Variants in SF3B3 observed in about 807,000 individuals in gnomAD.
The protein encoded by SF3B3 is SAP 130.
Under a neutral mutation model 139.2 loss-of-function variants are expected in SF3B3, and 33 were observed. The observed-to-expected ratio is 0.24, with a 90% CI of 0.18 to 0.32. The LOEUF (loss-of-function observed/expected upper bound fraction) is 0.32. SF3B3 is among the 10% of genes least tolerant of loss of function. SF3B3 has a pLI of 1.00. For synonymous variants in SF3B3, 596 were observed against 563.6 expected (o/e 1.06, Z -0.81); for missense variants, 818 against 1,509.4 (o/e 0.54, Z 7.59).
chr16:70,553,509 T>A (rs999844135), intron 11 of SF3B3, among the ~76,000 whole-genome samples: 1 of 151,938 alleles, frequency 6.6e-6, no homozygotes, highest in Non-Finnish European at 1.5e-5. Context: ...GTTAAGGGGG[T>A]GTTAAAACAA....
chr16:70,532,158 GGCACAT>G (rs1381357986), intron 4 of SF3B3, among the ~76,000 whole-genome samples: 2 of 152,096 alleles, frequency 1.3e-5, no homozygotes, highest in African/African-American at 4.8e-5. Context: ...CAGGCGTGGT[GGCACAT>G]GCTTGTAATC....
intron 5 of SF3B3, among the ~76,000 whole-genome samples, chr16:70,535,106 C>G (rs1368151165): frequency 6.6e-6 from 1 of 152,198 alleles, no homozygotes; most frequent in Non-Finnish European, 1.5e-5. Flanking sequence ...GTTATCCAGG[C>G]TGAGACCAAA....
rs1224136182 is a variant in SF3B3, at chr16:70,523,855, G to C, written c.-144G>C. The C allele has an allele frequency of 3.9e-6, 2 of 511,566 alleles. No homozygotes were observed. The highest frequency in any genetic ancestry group is 6.9e-6 in the Non-Finnish European group (2 of 291,698). The allele number at this position is 511,566 out of a possible 1,614,324, so 31.7% of individuals were successfully genotyped here. On this transcript the variant is annotated 5_prime_UTR_variant, in exon 1 of 26. Coordinates refer to ENST00000302516, the MANE Select transcript of SF3B3 (RefSeq NM_012426.5). ...GTCTAATGGCGGACGCCAGTATGTTGGAGTTGGTGGTGGCTTAAGTTTTGA... is the reference window on the plus strand; with the variant it reads ...GTCTAATGGCGGACGCCAGTATGTTCGAGTTGGTGGTGGCTTAAGTTTTGA...
At chr16:70,554,734 C>A in intron 12 of SF3B3, 137 bp downstream of exon 12, 1 of 836,318 alleles carries the variant, frequency 1.2e-6, no homozygotes, top group Non-Finnish European at 1.8e-6. Context: ...ATGATTTGGG[C>A]ACATAATATC....
At position 70,565,050 on chromosome 16, in the gene SF3B3, T is replaced by C. The variant is rs754081705; in HGVS notation, c.2464-15T>C. On this transcript the variant is annotated splice_polypyrimidine_tract_variant and intron_variant, in intron 18 of 25. Coordinates refer to ENST00000302516, the MANE Select transcript of SF3B3 (RefSeq NM_012426.5). Reference sequence around the variant, plus strand: ...CTGAGCACGCCAACTCAGTTACTCGTTTTTTTGGGTTTAGGAAATGGTGGA... The same window carrying C: ...CTGAGCACGCCAACTCAGTTACTCGCTTTTTTGGGTTTAGGAAATGGTGGA... 4.3e-6 allele frequency: 7 copies of C among 1,611,656 alleles called. No homozygotes were observed. The East Asian group carries it at 6.7e-5, about 15-fold the overall frequency.
intron 6 of SF3B3, among the ~76,000 whole-genome samples, chr16:70,536,353 T>G (rs1426140187): frequency 6.6e-6 from 1 of 151,794 alleles, no homozygotes; most frequent in East Asian, 1.9e-4. Context: ...TGTATTTTTA[T>G]TTTTTGTATT....
At chr16:70,563,250 G>A (rs1002790548) in intron 17 of SF3B3, among the ~76,000 whole-genome samples, 4 of 152,186 alleles carry the variant, frequency 2.6e-5, no homozygotes, top group South Asian at 2.1e-4. Flanking sequence ...GATTACAGGC[G>A]TGAGCCACCA....
At chr16:70,570,475 C>T (rs1485890607) in intron 24 of SF3B3, among the ~76,000 whole-genome samples, 1 of 151,754 alleles carries the variant, frequency 6.6e-6, no homozygotes, top group Non-Finnish European at 1.5e-5. Context: ...GGAATACAGG[C>T]GCCCGCCACC....
chr16:70,569,144 A>G lies in SF3B3; in HGVS notation c.3264+3A>G, dbSNP rs2050504910. 5 of 1,600,396 alleles carry G rather than the reference A, an allele frequency of 3.1e-6. No homozygotes were observed. Among genetic ancestry groups the G allele is most frequent in the Non-Finnish European group, 4.3e-6 (5 of 1,170,702 alleles). ...TGCTCAATGGGGCCTCCCAGAAGGT[A>G]AGATTGCAGAATGGGCCCCAGGGAG... On this transcript the variant is annotated splice_donor_region_variant and intron_variant, in intron 23 of 25. Transcript: ENST00000302516.
chr16:70,536,434 G>T (rs542760746), intron 6 of SF3B3, among the ~76,000 whole-genome samples: 98 of 152,100 alleles, frequency 6.4e-4, no homozygotes, highest in African/African-American at 2.2e-3. Flanking sequence ...TGCGATCTGG[G>T]CTCACTGCAA....
intron 2 of SF3B3, chr16:70,526,994 C>T (rs1045348849): frequency 1.1e-5 from 6 of 527,434 alleles, no homozygotes; most frequent in Admixed American, 3.6e-5. Flanking sequence ...GTGCCTATTG[C>T]TGTAAGACAT....
intron 5 of SF3B3, among the ~76,000 whole-genome samples, 160 bp from the exon 6 acceptor site, chr16:70,535,148 C>G (rs2050154567): frequency 6.6e-6 from 1 of 152,180 alleles, no homozygotes; most frequent in South Asian, 2.1e-4. Flanking sequence ...GTGCTTCATC[C>G]TTATCTACCA....
Position 70,565,290 on chromosome 16 carries a change from C to T in SF3B3, c.2669+20C>T, listed in dbSNP as rs774111902. 6.2e-7 allele frequency: 1 copy of T among 1,613,720 alleles called. No homozygotes were observed. Among genetic ancestry groups the T allele is most frequent in the Non-Finnish European group, 8.5e-7 (1 of 1,179,670 alleles). On this transcript the variant is annotated intron_variant, in intron 19 of 25. Transcript: ENST00000302516. Reference sequence around the variant, plus strand: ...TTTTAGGTAAGCAGCCCAGGACAGTCCAGGGTTTGGCAGGCTGGAACAGGA... The same window carrying T: ...TTTTAGGTAAGCAGCCCAGGACAGTTCAGGGTTTGGCAGGCTGGAACAGGA...
At chr16:70,555,500 A>AAAAAAAAAG (rs1555500454) in intron 13 of SF3B3, among the ~76,000 whole-genome samples, 3 of 141,466 alleles carry the variant, frequency 2.1e-5, no homozygotes, top group African/African-American at 2.6e-5. Flanking sequence ...AAAAAAAAAA[A>AAAAAAAAAG]GCGAGCTGGA....
chr16:70,561,362 C>T, intron 16 of SF3B3: 1 of 317,914 alleles, frequency 3.1e-6, no homozygotes, highest in Non-Finnish European at 5.7e-6. Context: ...CCTTGTGGTA[C>T]TGTTTTCATT....
chr16:70,539,175 G>C lies in SF3B3; in HGVS notation c.1035G>C (p.Gly345=), dbSNP rs2050195736. Residue 345 remains glycine, a synonymous_variant, in exon 8 of 26, where the codon GGG becomes GGC. Coordinates refer to ENST00000302516, the MANE Select transcript of SF3B3 (RefSeq NM_012426.5). ...VAAAMCVLKT[G]FLFVASEFGN... ...CTGCCATGTGTGTGCTTAAAACAGG[G>C]TTCCTTTTTGTAGCATCAGAATTTG... is the stretch of plus-strand genomic sequence containing the variant. 6.2e-7 allele frequency: 1 copy of C among 1,613,862 alleles called. No individual in the cohort carries two copies. Among genetic ancestry groups the C allele is most frequent in the Non-Finnish European group, 8.5e-7 (1 of 1,179,778 alleles).
At chr16:70,550,641 C>G (rs1249334921) in intron 11 of SF3B3, 2 of 985,590 alleles carry the variant, frequency 2.0e-6, no homozygotes, top group African/African-American at 1.7e-5. Context: ...CTTTTTTTCT[C>G]TTCCACAGGT....
At chr16:70,554,996 T>C in intron 12 of SF3B3, 55 bp from the exon 13 acceptor site, 1 of 1,555,294 alleles carries the variant, frequency 6.4e-7, no homozygotes. Context: ...TGAGGGTCAT[T>C]CTGAGTGATG....
intron 25 of SF3B3, 32 bp downstream of exon 25, chr16:70,571,231 G>T (rs371355773): frequency 2.0e-6 from 3 of 1,482,170 alleles, no homozygotes; most frequent in Non-Finnish European, 2.8e-6. Flanking sequence ...TGAAAAGGGA[G>T]ATCTGAGAAA....
Sources: gnomAD v4.1 joint callset for allele counts (sites outside exome capture counted in the v4.1 genomes callset) on GRCh38, gnomAD v4.1.1 for gene constraint, MANE v1.5 for transcripts, NCBI Gene and HGNC (gene_info 2026-07-23, HGNC 2026-07-21) for gene names.